The following CPSF3 variants were observed in gnomAD, a reference collection of about 807,000 sequenced individuals.
CPSF3 encodes cleavage and polyadenylation specificity factor subunit 3.
A neutral mutation model predicts 84.1 loss-of-function variants in CPSF3; 57 were observed. The observed-to-expected ratio is 0.68, with a 90% CI of 0.55 to 0.85. The LOEUF is 0.85. CPSF3 is among the 40% of genes least tolerant of loss of function. The pLI is 0.00. For synonymous variants in CPSF3, 275 were observed against 278.1 expected (o/e 0.99, Z 0.11); for missense variants, 522 against 838.8 (o/e 0.62, Z 4.66).
chr2:9,425,724 G>A lies in CPSF3; in HGVS notation c.50+1901G>A, dbSNP rs76760140. The stretch of plus-strand genomic sequence containing the variant: ...GTAAATTTGGGAATTTGGTTGTTTC[G>A]TAACAGCTTTATTGAGATACAGTTT... On this transcript the variant is annotated intron_variant, in intron 1 of 17. Transcript: ENST00000238112. Among the ~76,000 whole-genome samples, 1,500 of 151,814 alleles carry A rather than the reference G, an allele frequency of 9.9e-3. 26 individuals carry two copies. The highest frequency in any genetic ancestry group is 0.034 in the African/African-American group (1,409 of 41,360).
At chr2:9,465,561 A>G (rs916402879) in intron 15 of CPSF3, among the ~76,000 whole-genome samples, 59 of 136,894 alleles carry the variant, frequency 4.3e-4, no homozygotes, top group African/African-American at 1.4e-3. Context: ...ACACACACAC[A>G]CACGCGCGCG....
intron 10 of CPSF3, among the ~76,000 whole-genome samples, chr2:9,444,140 TTATATATATA>T (rs377440396): frequency 7.7e-6 from 1 of 129,900 alleles, no homozygotes; most frequent in African/African-American, 2.9e-5. Context: ...AATATATATA[TTATATATATA>T]TATATATATT....
At position 9,473,052 on chromosome 2, in the gene CPSF3, TGACTC is replaced by T; in HGVS notation, c.*36_*40del. 1.4e-6 allele frequency: 2 copies of T among 1,455,302 alleles called. No homozygotes were observed. The highest frequency in any genetic ancestry group is 1.9e-6 in the Non-Finnish European group (2 of 1,042,864). The allele number at this position is 1,455,302 out of a possible 1,614,324, so 90.1% of individuals were successfully genotyped here. On this transcript the variant is annotated 3_prime_UTR_variant, in exon 18 of 18. Transcript: ENST00000238112. Reference sequence around the variant, plus strand: ...TGTATATGAACTTTGAAAAAATACTTGACTCTACTTTTGTTACCTAAAATAAAATG... The same window carrying T: ...TGTATATGAACTTTGAAAAAATACTTTACTTTTGTTACCTAAAATAAAATG...
chr2:9,443,485 T>G (rs534335251), intron 9 of CPSF3, 30 bp from the exon 10 acceptor site: 1 of 1,590,956 alleles, frequency 6.3e-7, no homozygotes, highest in African/African-American at 1.3e-5. Context: ...CTGGGTAGTT[T>G]GTTTTGTTAT....
chr2:9,424,112 TAAG>T (rs1045669481), intron 1 of CPSF3: 10 of 1,172,336 alleles, frequency 8.5e-6, no homozygotes, highest in Non-Finnish European at 1.1e-5. Context: ...TCGTACACGC[TAAG>T]AAGCGTTTTC....
intron 10 of CPSF3, among the ~76,000 whole-genome samples, chr2:9,444,158 A>ATATATTTTTT (rs1216393477): frequency 8.1e-6 from 1 of 123,178 alleles, no homozygotes; most frequent in African/African-American, 3.8e-5. Context: ...ATATATATAT[A>ATATATTTTTT]TTTTTTTTTT....
chr2:9,463,558 C>G (rs1365904467), intron 15 of CPSF3, among the ~76,000 whole-genome samples: 3 of 152,218 alleles, frequency 2.0e-5, no homozygotes, highest in Admixed American at 6.5e-5. Flanking sequence ...AGTTGTCACT[C>G]GTGGGGCTAA....
intron 5 of CPSF3, among the ~76,000 whole-genome samples, chr2:9,432,901 A>T (rs929309205): frequency 1.3e-5 from 2 of 152,166 alleles, no homozygotes; most frequent in East Asian, 1.9e-4. Flanking sequence ...GGAAAAAAAA[A>T]TTTTTAAAGA....
chr2:9,454,524 G>C (rs1483032616), intron 12 of CPSF3, among the ~76,000 whole-genome samples: 4 of 148,972 alleles, frequency 2.7e-5, no homozygotes, highest in South Asian at 2.1e-4. Flanking sequence ...TTCTGAGTTA[G>C]TGAGCTCTTA....
chr2:9,462,070 T>C (rs1681746078), intron 15 of CPSF3, among the ~76,000 whole-genome samples: 2 of 152,166 alleles, frequency 1.3e-5, no homozygotes, highest in Non-Finnish European at 1.5e-5. Flanking sequence ...TAGGAGGATC[T>C]TTTAAAAGAT....
intron 16 of CPSF3, 118 bp from the exon 17 acceptor site, chr2:9,471,225 G>T: frequency 1.7e-6 from 1 of 596,270 alleles, no homozygotes; most frequent in Non-Finnish European, 3.0e-6. Context: ...AAAAAAAAAA[G>T]AAAAAAAGTA....
At chr2:9,471,717 G>C (rs1682171913) in intron 17 of CPSF3, among the ~76,000 whole-genome samples, 1 of 151,474 alleles carries the variant, frequency 6.6e-6, no homozygotes, top group Non-Finnish European at 1.5e-5. Context: ...CTCTAGTTTG[G>C]CATCTAGTTG....
chr2:9,450,261 C>T (rs1681273244), intron 11 of CPSF3, among the ~76,000 whole-genome samples: 1 of 151,512 alleles, frequency 6.6e-6, no homozygotes, highest in Admixed American at 6.6e-5. Flanking sequence ...ATGGAATTCT[C>T]CTACCTCAGC....
At chr2:9,465,431 G>A (rs138187463) in intron 15 of CPSF3, among the ~76,000 whole-genome samples, 235 of 152,088 alleles carry the variant, frequency 1.5e-3, no homozygotes, top group African/African-American at 5.5e-3. Context: ...GCAACAGAGC[G>A]AGACATTGTT....
chr2:9,434,770 G>A (rs575835179), intron 6 of CPSF3, among the ~76,000 whole-genome samples: 36 of 152,330 alleles, frequency 2.4e-4, no homozygotes, highest in African/African-American at 8.4e-4. Flanking sequence ...AGCTTGGGAT[G>A]TGTGTTGCTG....
chr2:9,463,279 C>T (rs1309491711), intron 15 of CPSF3, among the ~76,000 whole-genome samples: 3 of 152,156 alleles, frequency 2.0e-5, no homozygotes, highest in Non-Finnish European at 2.9e-5. Context: ...AAAGGACTGC[C>T]GTGGTGCTTG....
At chr2:9,448,560 TTG>T (rs60635212) in intron 11 of CPSF3, among the ~76,000 whole-genome samples, 3,967 of 151,978 alleles carry the variant, frequency 0.026, 269 homozygotes, top group Admixed American at 0.13. Context: ...ATTAGATTTT[TTG>T]TGTGTGTGTG....
chr2:9,466,165 A>AC (rs1052207139), intron 15 of CPSF3, among the ~76,000 whole-genome samples: 1 of 150,572 alleles, frequency 6.6e-6, no homozygotes, highest in Non-Finnish European at 1.5e-5. Flanking sequence ...ACATGCTAAA[A>AC]CCCTGTCTCT....
At chr2:9,466,345 C>CACACGT (rs1558466546) in intron 15 of CPSF3, among the ~76,000 whole-genome samples, 3 of 44,334 alleles carry the variant, frequency 6.8e-5, no homozygotes, top group African/African-American at 1.8e-4. Context: ...CACACACGCG[C>CACACGT]GCGCGCGCAC....
Sources: allele counts gnomAD v4.1 joint callset (sites outside exome capture counted in the v4.1 genomes callset), GRCh38; gene constraint gnomAD v4.1.1; transcripts MANE v1.5; gene names NCBI Gene and HGNC (gene_info 2026-07-23, HGNC 2026-07-21).